The following RBM43 variants were observed in gnomAD, a reference collection of about 807,000 sequenced individuals.
RBM43 encodes RNA binding motif protein 43.
RBM43 carries 12 observed loss-of-function variants against 12.4 expected under a neutral mutation model. The observed-to-expected ratio is 0.97, with a 90% confidence interval of 0.62 to 1.57. RBM43 has a LOEUF of 1.57. Among genes scored for constraint, RBM43 ranks in the 40% most tolerant of loss-of-function variants. The pLI, the probability that RBM43 is intolerant of heterozygous loss-of-function variation, is 0.00. For synonymous variants in RBM43, 138 were observed against 145.7 expected, an observed-to-expected ratio of 0.95 and a Z score of 0.38; for missense variants, 348 against 400.1, an observed-to-expected ratio of 0.87 and a Z score of 1.11.
chr2:151,260,246 C>T (rs1026393917), intron 1 of RBM43, among the ~76,000 whole-genome samples: 6 of 151,796 alleles, frequency 4.0e-5, no homozygotes, highest in African/African-American at 1.5e-4. Context: ...CCACCTCAGC[C>T]TCCCCAGTAG....
chr2:151,256,470 G>A (rs983926784), intron 1 of RBM43, among the ~76,000 whole-genome samples: 16 of 152,278 alleles, frequency 1.1e-4, no homozygotes, highest in African/African-American at 3.9e-4. Context: ...ATGTAAGACA[G>A]TAAGAAACAC....
chr2:151,251,336 C>G lies in RBM43; in HGVS notation c.644G>C (p.Arg215Thr), dbSNP rs758740008. 8 of 1,614,016 alleles carry G rather than the reference C, an allele frequency of 5.0e-6. No individual in the cohort carries two copies. The South Asian group carries it at 7.7e-5, about 16-fold the overall frequency. Reference sequence around the variant, plus strand: ...GTCAAGCACAAGCATTTCTCCACTTCTAGCAGTCTCAGGTACTAAGGTCCT... The same window carrying G: ...GTCAAGCACAAGCATTTCTCCACTTGTAGCAGTCTCAGGTACTAAGGTCCT... ...SVRTLVPETA[R>T]SGEMLVLDTD... The change falls in exon 4 of 4, where the codon AGA becomes ACA. Residue 215 changes from arginine to threonine, a missense_variant. Arg to Thr is a moderately conservative substitution (Grantham distance 71). Transcript: ENST00000331426.
Position 151,255,676 on chromosome 2 carries a change from A to G in RBM43, c.71T>C (p.Val24Ala), listed in dbSNP as rs139774031. The change falls in exon 2 of 4, where the codon GTT (valine) becomes GCT (alanine). Residue 24 changes from valine to alanine, a missense_variant. Val to Ala is a moderately conservative substitution (Grantham distance 64, BLOSUM62 0). Coordinates refer to ENST00000331426, the MANE Select transcript of RBM43 (RefSeq NM_198557.3). ...ERTVVVAGLPVDLFSDQLLAV... is the reference protein window; with the variant it reads ...ERTVVVAGLPADLFSDQLLAV... Reference sequence around the variant, plus strand: ...CAATAATTGATCACTAAAAAGGTCAACTGGAAGACCAGCAACTACAACCGT... The same window carrying G: ...CAATAATTGATCACTAAAAAGGTCAGCTGGAAGACCAGCAACTACAACCGT... 5.2e-4 allele frequency: 837 copies of G among 1,614,044 alleles called. 10 individuals are homozygous for G. In the East Asian group the frequency reaches 0.018, roughly 35 times the overall value.
chr2:151,249,201 T>A lies in RBM43; in HGVS notation c.*1705A>T, dbSNP rs982186087. On this transcript the variant is annotated 3_prime_UTR_variant, in exon 4 of 4. Coordinates refer to ENST00000331426, the MANE Select transcript of RBM43 (RefSeq NM_198557.3). ...CTCCATGAGGTGAGTCAGCTTTGTA[T>A]CCCACTTCTGACACCATGCATGTCA... 6.6e-6 allele frequency: 1 copy of A among 152,160 alleles called. No individual in the cohort carries two copies. Among genetic ancestry groups the A allele is most frequent in the Admixed American group, 6.5e-5 (1 of 15,282 alleles). The allele number at this position is 152,160 out of a possible 1,614,324, so 9.4% of individuals were successfully genotyped here. A position where few individuals can be genotyped will look rare whatever the true frequency, so the allele number is the denominator to read the frequency against.
chr2:151,258,533 C>A (rs961130556), intron 1 of RBM43, among the ~76,000 whole-genome samples: 15 of 150,652 alleles, frequency 1.0e-4, no homozygotes, highest in Admixed American at 7.9e-4. Flanking sequence ...TAGTCTCTAT[C>A]AAAAACAGAA....
intron 1 of RBM43, 186 bp downstream of exon 1, chr2:151,261,539 G>A: frequency 6.5e-7 from 1 of 1,545,924 alleles, no homozygotes; most frequent in South Asian, 1.2e-5. Context: ...GCTGACCTGA[G>A]TTTGCCCGCC....
intron 2 of RBM43, among the ~76,000 whole-genome samples, chr2:151,253,807 T>C (rs143195501): frequency 6.6e-6 from 1 of 152,156 alleles, no homozygotes; most frequent in African/African-American, 2.4e-5. Context: ...CTCCCCCAGC[T>C]CATTCCACTC....
chr2:151,261,696 C>A, intron 1 of RBM43, 29 bp downstream of exon 1: 1 of 1,594,382 alleles, frequency 6.3e-7, no homozygotes, highest in Non-Finnish European at 8.5e-7. Context: ...CGGACCTGCA[C>A]CGCAAAACCC....
Position 151,248,170 on chromosome 2 carries a change from G to A in RBM43, c.*2736C>T, listed in dbSNP as rs1318455763. On this transcript the variant is annotated 3_prime_UTR_variant, in exon 4 of 4. Coordinates refer to ENST00000331426, the MANE Select transcript of RBM43 (RefSeq NM_198557.3). ...TAAATTGAACAAAAAATAGTTAACT[G>A]TGAAAGTGTGCTGAATTATGTGAGT... 6.6e-6 allele frequency: 1 copy of A among 152,146 alleles called. No homozygotes were observed. Among genetic ancestry groups the A allele is most frequent in the Non-Finnish European group, 1.5e-5 (1 of 68,004 alleles). The allele number at this position is 152,146 out of a possible 1,614,324, so 9.4% of individuals were successfully genotyped here.
Position 151,250,611 on chromosome 2 carries a change from A to AAT in RBM43, c.*294_*295insAT, listed in dbSNP as rs1325511659. ...GAGACTCCATCTCAAAAAAAAAAAA[A>AAT]AAAAAGTTTGGTGAGTTTTTTTCAA... On this transcript the variant is annotated 3_prime_UTR_variant, in exon 4 of 4. Coordinates refer to ENST00000331426, the MANE Select transcript of RBM43 (RefSeq NM_198557.3). 1 of 211,174 alleles carries AAT rather than the reference A, an allele frequency of 4.7e-6. No individual in the cohort carries two copies. Among genetic ancestry groups the AAT allele is most frequent in the East Asian group, 1.1e-4 (1 of 9,420 alleles). The allele number at this position is 211,174 out of a possible 1,614,324, so 13.1% of individuals were successfully genotyped here.
intron 2 of RBM43, among the ~76,000 whole-genome samples, chr2:151,253,459 T>C (rs952112816): frequency 6.6e-6 from 1 of 152,156 alleles, no homozygotes; most frequent in African/African-American, 2.4e-5. Context: ...TGACCCAAAC[T>C]GAACTGTTGA....
At chr2:151,254,974 C>T (rs761471011) in intron 2 of RBM43, among the ~76,000 whole-genome samples, 5 of 152,104 alleles carry the variant, frequency 3.3e-5, no homozygotes, top group Non-Finnish European at 7.3e-5. Context: ...AACACTTTCA[C>T]CCCAAGATAT....
chr2:151,258,331 T>C (rs528484221), intron 1 of RBM43, among the ~76,000 whole-genome samples: 2 of 148,496 alleles, frequency 1.3e-5, no homozygotes, highest in Non-Finnish European at 3.0e-5. Flanking sequence ...CATGCTGTAA[T>C]GAAGGCAGCT....
At chr2:151,260,371 G>A (rs563321658) in intron 1 of RBM43, among the ~76,000 whole-genome samples, 2 of 152,146 alleles carry the variant, frequency 1.3e-5, no homozygotes, top group African/African-American at 4.8e-5. Flanking sequence ...GATTACAGGC[G>A]TGAGCCACCG....
rs947228637 is a variant in RBM43, at chr2:151,261,731, G to A, written c.-4C>T. ...CAAAGCAAAAGCAACTTGCCATGGCGGAGGGGAGACGCGCCCTCAGCGGCC... is the reference window on the plus strand; with the variant it reads ...CAAAGCAAAAGCAACTTGCCATGGCAGAGGGGAGACGCGCCCTCAGCGGCC... On this transcript the variant is annotated 5_prime_UTR_variant, in exon 1 of 4. Coordinates refer to ENST00000331426, the MANE Select transcript of RBM43 (RefSeq NM_198557.3). 3.1e-6 allele frequency: 5 copies of A among 1,602,348 alleles called. No individual in the cohort carries two copies. In the African/African-American group the frequency reaches 5.3e-5, roughly 17 times the overall value.
Position 151,254,287 on chromosome 2 carries a change from A to ATCTATCTC in RBM43, c.214+1245_214+1246insGAGATAGA, listed in dbSNP as rs146039442. On this transcript the variant is annotated intron_variant, in intron 2 of 3. Transcript: ENST00000331426. Reference sequence around the variant, plus strand: ...ATTTATGAATGAATGACCGAGGCCAATCTCTCTCTCTCTCTCTCTTTCTCT... The same window carrying ATCTATCTC: ...ATTTATGAATGAATGACCGAGGCCAATCTATCTCTCTCTCTCTCTCTCTCTCTTTCTCT... Among the ~76,000 whole-genome samples, 1,210 of 149,500 alleles carry ATCTATCTC rather than the reference A, an allele frequency of 8.1e-3. 26 individuals carry two copies. Among genetic ancestry groups the ATCTATCTC allele is most frequent in the African/African-American group, 0.028 (1,156 of 41,028 alleles).
chr2:151,259,719 A>G (rs984029765), intron 1 of RBM43, among the ~76,000 whole-genome samples: 1 of 152,234 alleles, frequency 6.6e-6, no homozygotes, highest in African/African-American at 2.4e-5. Context: ...CAATGTAAGA[A>G]TAAAGGCAGG....
intron 2 of RBM43, 125 bp downstream of exon 2, chr2:151,255,408 A>C: frequency 1.7e-6 from 1 of 602,580 alleles, no homozygotes; most frequent in Admixed American, 3.3e-5. Flanking sequence ...ACAGAGTGAG[A>C]CTGTGTCTCA....
chr2:151,255,876 G>C (rs2105191620), intron 1 of RBM43, 133 bp from the exon 2 acceptor site: 2 of 646,320 alleles, frequency 3.1e-6, no homozygotes, highest in South Asian at 3.9e-5. Context: ...TTTTTAAAAG[G>C]GGTGTAGGGG....
Sources: allele counts gnomAD v4.1 joint callset (sites outside exome capture counted in the v4.1 genomes callset), GRCh38; gene constraint gnomAD v4.1.1; transcripts MANE v1.5; gene names NCBI Gene and HGNC (gene_info 2026-07-23, HGNC 2026-07-21).